TTLL11: variants seen among roughly 807,000 people sequenced by gnomAD.
The protein encoded by TTLL11 is tubulin tyrosine ligase like 11, also known as tubulin polyglutamylase TTLL11.
In TTLL11, 42 loss-of-function variants were observed where a neutral mutation model predicts 51.7. The ratio of observed to expected loss-of-function variants is 0.81; its 90% CI spans 0.64 to 1.05. The LOEUF (loss-of-function observed/expected upper bound fraction) is 1.05, where lower values mean the gene tolerates loss of function less well. Ranked by LOEUF, TTLL11 falls within the 50% of genes least tolerant of loss-of-function variation. TTLL11 has a pLI of 0.00. For synonymous variants in TTLL11, 381 were observed against 383.5 expected (o/e 0.99, Z 0.08); for missense variants, 799 against 940.4 (o/e 0.85, Z 1.97).
chr9:121,892,423 CAA>C (rs1839280291), intron 6 of TTLL11, among the ~76,000 whole-genome samples: 1 of 151,950 alleles, frequency 6.6e-6, no homozygotes, highest in Non-Finnish European at 1.5e-5. Flanking sequence ...TAAGTGGTGG[CAA>C]GAGAGAATGA....
chr9:121,948,675 A>C (rs1329909045), intron 6 of TTLL11, among the ~76,000 whole-genome samples: 1 of 152,236 alleles, frequency 6.6e-6, no homozygotes, highest in Admixed American at 6.5e-5. Flanking sequence ...AGAGCCAGGA[A>C]GTGGCAGAAC....
intron 4 of TTLL11, among the ~76,000 whole-genome samples, chr9:121,980,174 A>AG (rs71371906): frequency 0.29 from 43,193 of 151,164 alleles, 6,618 homozygotes; most frequent in Non-Finnish European, 0.31. Flanking sequence ...TAGGAGGGCC[A>AG]GGGGGGCCTT....
intron 1 of TTLL11, among the ~76,000 whole-genome samples, chr9:122,080,688 G>A (rs1163935142): frequency 6.6e-6 from 1 of 151,676 alleles, no homozygotes; most frequent in Non-Finnish European, 1.5e-5. Context: ...GTGAAACCTT[G>A]TCTCTAAAGA....
In TTLL11 at chr9:122,092,787, C is replaced by A. The variant is rs1213861640; in HGVS notation, c.362G>T (p.Gly121Val). The change falls in exon 1 of 9, where the codon GGC (glycine) becomes GTC (valine). Residue 121 changes from glycine to valine, a missense_variant. By Grantham distance (109) the Gly-to-Val change is moderately radical. This residue lies in a region of TTLL11 where 468 missense variants were observed against 612.8 expected (regional missense o/e 0.76). Transcript: ENST00000321582. ...GACCGGCCGCTGGGAGCCGTTCTCGCCGGAACCGTGGCCCGAGCTCCGCTT... is the reference window on the plus strand; with the variant it reads ...GACCGGCCGCTGGGAGCCGTTCTCGACGGAACCGTGGCCCGAGCTCCGCTT... ...SCKRSSGHGS[G>V]ENGSQRPVTV... The A allele has an allele frequency of 7.1e-6, 11 of 1,541,212 alleles. No homozygotes were observed. Among genetic ancestry groups the A allele is most frequent in the South Asian group, 7.1e-5 (6 of 84,416 alleles).
At chr9:122,029,162 A>G (rs528287924) in intron 3 of TTLL11, among the ~76,000 whole-genome samples, 38 of 152,322 alleles carry the variant, frequency 2.5e-4, no homozygotes, top group South Asian at 1.0e-3. Flanking sequence ...GTATAATACA[A>G]TTATGCACTG....
intron 8 of TTLL11, among the ~76,000 whole-genome samples, chr9:121,835,519 G>A (rs775107091): frequency 9.2e-5 from 14 of 152,136 alleles, no homozygotes; most frequent in Non-Finnish European, 1.6e-4. Flanking sequence ...TAAGCATTAC[G>A]GCAACAAGAA....
intron 1 of TTLL11, among the ~76,000 whole-genome samples, chr9:122,072,414 T>A (rs1303259847): frequency 6.6e-6 from 1 of 151,480 alleles, no homozygotes. Flanking sequence ...GAGGCTGAGG[T>A]GGGTGGATCA....
rs1362279511 is a variant in TTLL11 at position 121,870,524 on chromosome 9, C to T, written c.1706G>A (p.Gly569Glu). 6.4e-7 allele frequency: 1 copy of T among 1,551,552 alleles called. No individual in the cohort carries two copies. Among genetic ancestry groups the T allele is most frequent in the South Asian group, 1.2e-5 (1 of 84,022 alleles). Residue 569 changes from glycine to glutamate, a missense_variant, in exon 7 of 9, where the codon GGG becomes GAG. Around this residue, in one of 3 missense-constraint regions of TTLL11, gnomAD observed 468 missense variants for 612.8 expected, o/e 0.76. Transcript: ENST00000321582. ...FLGIKGTMKLGPTGFRTFIRS... is the reference protein window; with the variant it reads ...FLGIKGTMKLEPTGFRTFIRS... ...TATGAAGGTACGAAAGCCTGTTGGC[C>T]CCAACTTCATTGTCCCCTTGATGCC...
chr9:122,006,155 C>G lies in TTLL11; in HGVS notation c.694-16385G>C, dbSNP rs982967159. Among the ~76,000 whole-genome samples the G allele has an allele frequency of 4.6e-5, 7 of 152,080 alleles. No homozygotes were observed. In the South Asian group the frequency reaches 1.5e-3, roughly 32 times the overall value. ...AGGAGTTCGAGACCAGCCTGGCCAACATGGTGAAACCCCTGTCTCTACTAA... is the reference window on the plus strand; with the variant it reads ...AGGAGTTCGAGACCAGCCTGGCCAAGATGGTGAAACCCCTGTCTCTACTAA... On this transcript the variant is annotated intron_variant, in intron 3 of 8. Coordinates refer to ENST00000321582, the MANE Select transcript of TTLL11 (RefSeq NM_001139442.2).
intron 1 of TTLL11, among the ~76,000 whole-genome samples, chr9:122,074,065 G>A (rs891610178): frequency 3.9e-5 from 6 of 152,124 alleles, no homozygotes; most frequent in African/African-American, 1.2e-4. Flanking sequence ...TTGAGGTCAG[G>A]AGTTTGAGAC....
intron 6 of TTLL11, among the ~76,000 whole-genome samples, chr9:121,939,640 G>A (rs988217400): frequency 6.6e-6 from 1 of 151,992 alleles, no homozygotes; most frequent in Admixed American, 6.6e-5. Flanking sequence ...AATCTTGGTG[G>A]GGAGTGCATA....
At chr9:121,922,061 T>C (rs996020165) in intron 6 of TTLL11, among the ~76,000 whole-genome samples, 59 of 152,194 alleles carry the variant, frequency 3.9e-4, no homozygotes, top group African/African-American at 1.3e-3. Context: ...AACTGCCAGC[T>C]GCTGCTGCTG....
intron 6 of TTLL11, among the ~76,000 whole-genome samples, chr9:121,944,972 T>G (rs952287766): frequency 5.3e-5 from 8 of 152,306 alleles, no homozygotes; most frequent in South Asian, 2.1e-4. Context: ...AGCAAAGAAC[T>G]GGAAATGCTT....
intron 1 of TTLL11, among the ~76,000 whole-genome samples, chr9:122,077,168 C>T (rs1222888135): frequency 6.6e-6 from 1 of 151,998 alleles, no homozygotes; most frequent in African/African-American, 2.4e-5. Flanking sequence ...AAGGAAATGA[C>T]CCCAGAAGGT....
chr9:121,820,756 C>T lies in TTLL11; in HGVS notation c.*1831G>A, dbSNP rs1836552957. ...CCCCATGTAGAGAACACTCGACACACCTCAGGAGGCACATCCTGCCAGTGC... is the reference window on the plus strand; with the variant it reads ...CCCCATGTAGAGAACACTCGACACATCTCAGGAGGCACATCCTGCCAGTGC... On this transcript the variant is annotated 3_prime_UTR_variant, in exon 9 of 9. Transcript: ENST00000321582. 6.6e-6 allele frequency among the ~76,000 whole-genome samples: 1 copy of T among 151,830 alleles called. No homozygotes were observed. The highest frequency in any genetic ancestry group is 2.4e-5 in the African/African-American group (1 of 41,308).
intron 6 of TTLL11, among the ~76,000 whole-genome samples, chr9:121,872,651 A>T (rs896088830): frequency 6.6e-6 from 1 of 152,108 alleles, no homozygotes; most frequent in Non-Finnish European, 1.5e-5. Context: ...CTCTGGGAAA[A>T]ACTCCCTTGT....
intron 6 of TTLL11, among the ~76,000 whole-genome samples, chr9:121,899,013 T>C (rs943693706): frequency 1.3e-5 from 2 of 152,142 alleles, no homozygotes; most frequent in African/African-American, 2.4e-5. Context: ...TCCTGCTCCA[T>C]CAGCCCCTGT....
intron 6 of TTLL11, among the ~76,000 whole-genome samples, chr9:121,966,823 T>C (rs536599329): frequency 1.3e-5 from 2 of 152,286 alleles, no homozygotes; most frequent in South Asian, 2.1e-4. Flanking sequence ...AGCTTCCCCA[T>C]GTATGATTCA....
intron 6 of TTLL11, among the ~76,000 whole-genome samples, chr9:121,961,197 T>C (rs1475469475): frequency 1.3e-5 from 2 of 152,174 alleles, no homozygotes; most frequent in Non-Finnish European, 2.9e-5. Flanking sequence ...TGTAGCACTC[T>C]TCCCACTTTA....
Sources: gnomAD v4.1 joint callset for allele counts (sites outside exome capture counted in the v4.1 genomes callset) on GRCh38, gnomAD v4.1.1 for gene constraint, gnomAD v4.1.1 regional missense constraint, MANE v1.5 for transcripts, NCBI Gene and HGNC (gene_info 2026-07-23, HGNC 2026-07-21) for gene names.